Variants in ADGRE1 observed in about 807,000 individuals in gnomAD.
The protein encoded by ADGRE1 is adhesion G protein-coupled receptor E1, also known as EGF-like module receptor 1.
A neutral mutation model predicts 102.7 loss-of-function variants in ADGRE1; 82 were observed. That is an observed-to-expected ratio of 0.80 (90% CI 0.67 to 0.96). ADGRE1 has a LOEUF of 0.96. Among genes scored for constraint, ADGRE1 ranks in the 40% least tolerant of loss-of-function variants. ADGRE1 has a pLI of 0.00. For missense variants in ADGRE1, 1,032 were observed against 1,085.3 expected, an observed-to-expected ratio of 0.95 and a Z score of 0.69; for synonymous variants, 398 against 399.6, an observed-to-expected ratio of 1.00 and a Z score of 0.05.
intron 2 of ADGRE1, among the ~76,000 whole-genome samples, chr19:6,894,400 A>G (rs914872463): frequency 1.3e-5 from 2 of 152,118 alleles, no homozygotes; most frequent in Non-Finnish European, 2.9e-5. Flanking sequence ...TGAATTCCAT[A>G]AAAGAAGAGC....
At chr19:6,921,037 G>A (rs252565) in intron 13 of ADGRE1, among the ~76,000 whole-genome samples, 150,043 of 152,212 alleles carry the variant, frequency 0.99, 73,991 homozygotes, top group Middle Eastern at 1. Context: ...TGTAATCCCA[G>A]CACTTTGGGA....
At chr19:6,938,898 C>A (rs461295) in intron 20 of ADGRE1, among the ~76,000 whole-genome samples, 5 of 151,134 alleles carry the variant, frequency 3.3e-5, no homozygotes, top group Admixed American at 3.3e-4. Flanking sequence ...TGGGTTCAAG[C>A]GATTTTCCTG....
chr19:6,934,782 T>G (rs1975322570), intron 17 of ADGRE1, among the ~76,000 whole-genome samples: 1 of 147,424 alleles, frequency 6.8e-6, no homozygotes, highest in African/African-American at 2.5e-5. Flanking sequence ...TTTTTTTTTG[T>G]ATTTTAGTAT....
intron 2 of ADGRE1, chr19:6,895,125 C>G (rs1313864181): frequency 6.6e-6 from 1 of 152,254 alleles, no homozygotes; most frequent in Non-Finnish European, 1.5e-5. Flanking sequence ...CTTGTTGCCT[C>G]TCCAATCTTA....
At position 6,897,559 on chromosome 19, in the gene ADGRE1, C is replaced by T. The variant is rs374968406; in HGVS notation, c.514+12C>T. 72 of 1,529,252 alleles carry T rather than the reference C, an allele frequency of 4.7e-5. No homozygotes were observed. Among genetic ancestry groups the T allele is most frequent in the Non-Finnish European group, 5.6e-5 (64 of 1,143,218 alleles). The allele number at this position is 1,529,252 out of a possible 1,614,324, so 94.7% of individuals were successfully genotyped here. A position where few individuals can be genotyped will look rare whatever the true frequency, so the allele number is the denominator to read the frequency against. ...CTCCACCTGTGAAGGTATCCATGAC[C>T]ATCTCTTTATTATTTACCTACTTAA... On this transcript the variant is annotated intron_variant, in intron 5 of 20. Transcript: ENST00000312053.
chr19:6,891,708 C>T (rs1218581683), intron 2 of ADGRE1, among the ~76,000 whole-genome samples: 1 of 152,078 alleles, frequency 6.6e-6, no homozygotes, highest in African/African-American at 2.4e-5. Context: ...CCCAGCCTTC[C>T]GAAGTGCTGG....
intron 2 of ADGRE1, among the ~76,000 whole-genome samples, chr19:6,894,047 A>C (rs1184763330): frequency 6.6e-6 from 1 of 152,190 alleles, no homozygotes; most frequent in Non-Finnish European, 1.5e-5. Context: ...GCTTTCACTT[A>C]TAAAGACTCT....
In ADGRE1 at chr19:6,935,490, G is replaced by T. The variant is rs868819461; in HGVS notation, c.2381+412G>T. 4.8e-3 allele frequency among the ~76,000 whole-genome samples: 730 copies of T among 151,576 alleles called. 8 individuals carry two copies. The highest frequency in any genetic ancestry group is 0.015 in the African/African-American group (636 of 41,326). Reference sequence around the variant, plus strand: ...GAATCATACTATTTTGTTTTTTATGGTTTTTTTTCTCTCGAGAATGTCCTG... The same window carrying T: ...GAATCATACTATTTTGTTTTTTATGTTTTTTTTTCTCTCGAGAATGTCCTG... On this transcript the variant is annotated intron_variant, in intron 18 of 20. Transcript: ENST00000312053.
At chr19:6,919,481 T>C in intron 12 of ADGRE1, 67 bp from the exon 13 acceptor site, 1 of 1,015,766 alleles carries the variant, frequency 9.8e-7, no homozygotes, top group Non-Finnish European at 1.5e-6. Flanking sequence ...TGTGTGTGTG[T>C]TGGGTCTTCT....
At position 6,897,288 on chromosome 19, in the gene ADGRE1, C is replaced by A. The variant is rs149027775; in HGVS notation, c.378C>A (p.Gly126=). Residue 126 remains glycine, a synonymous_variant, in exon 4 of 21, where the codon GGC becomes GGA. Coordinates refer to ENST00000312053, the MANE Select transcript of ADGRE1 (RefSeq NM_001974.5). The stretch of plus-strand genomic sequence containing the variant: ...ATGACTGGGTCCCAGGAAAGCCGGG[C>A]AATTTCTCCTGTACTGGTAATGCTC... ...TGNDWVPGKP[G]NFSCTDINEC... is the part of the protein sequence containing the mutation. The A allele has an allele frequency of 3.0e-3, 4,850 of 1,613,868 alleles. 12 individuals carry two copies. Among genetic ancestry groups the A allele is most frequent in the Non-Finnish European group, 3.7e-3 (4,343 of 1,179,972 alleles).
chr19:6,896,897 C>G (rs1973575348), intron 3 of ADGRE1: 1 of 494,666 alleles, frequency 2.0e-6, no homozygotes, highest in African/African-American at 2.0e-5. Context: ...GGCTGGATTC[C>G]AAGGATAAGC....
rs143947298 is a variant in ADGRE1 at position 6,936,679 on chromosome 19, T to G, written c.2382-564T>G. Among the ~76,000 whole-genome samples, 719 of 151,442 alleles carry G rather than the reference T, an allele frequency of 4.7e-3. 8 individuals carry two copies. Among genetic ancestry groups the G allele is most frequent in the African/African-American group, 0.015 (629 of 41,288 alleles). On this transcript the variant is annotated intron_variant, in intron 18 of 20. Transcript: ENST00000312053. ...TCTCTCTCGCCCAGGCTAGAGGGCATTGGCACGGTCTCGACTCACTGCAAC... is the reference window on the plus strand; with the variant it reads ...TCTCTCTCGCCCAGGCTAGAGGGCAGTGGCACGGTCTCGACTCACTGCAAC...
At chr19:6,929,157 T>G (rs980117086) in intron 17 of ADGRE1, among the ~76,000 whole-genome samples, 1 of 152,106 alleles carries the variant, frequency 6.6e-6, no homozygotes, top group Non-Finnish European at 1.5e-5. Flanking sequence ...CGTTGCCTCA[T>G]GCTAAGGAAA....
rs184623921 is a variant in ADGRE1, at chr19:6,909,985, C to T, written c.1122+1213C>T. On this transcript the variant is annotated intron_variant, in intron 10 of 20. Coordinates refer to ENST00000312053, the MANE Select transcript of ADGRE1 (RefSeq NM_001974.5). ...CCGACCTCAGGCGATCCACCTGCCT[C>T]GGCCTCCCAAAGTGCTGGGATTAGA... 4.9e-3 allele frequency among the ~76,000 whole-genome samples: 721 copies of T among 148,492 alleles called. 4 individuals are homozygous for T. The highest frequency in any genetic ancestry group is 7.9e-3 in the Non-Finnish European group (524 of 66,292).
chr19:6,890,258 A>C (rs576408446), intron 1 of ADGRE1, among the ~76,000 whole-genome samples: 1 of 152,282 alleles, frequency 6.6e-6, no homozygotes, highest in African/African-American at 2.4e-5. Flanking sequence ...AAAGACAGAC[A>C]AAATGAAAAG....
intron 6 of ADGRE1, 128 bp from the exon 7 acceptor site, chr19:6,903,682 C>A (rs1973848260): frequency 1.6e-6 from 2 of 1,233,276 alleles, no homozygotes; most frequent in South Asian, 2.8e-5. Context: ...GCAGAGGGTT[C>A]TAGGAAATGT....
intron 8 of ADGRE1, 97 bp from the exon 9 acceptor site, chr19:6,906,336 T>G: frequency 9.5e-7 from 1 of 1,049,980 alleles, no homozygotes; most frequent in Non-Finnish European, 1.4e-6. Context: ...TAGATGGATT[T>G]TAAGTCGGGC....
intron 11 of ADGRE1, among the ~76,000 whole-genome samples, chr19:6,915,307 A>C (rs865907241): frequency 1.3e-5 from 2 of 152,170 alleles, no homozygotes; most frequent in South Asian, 4.1e-4. Context: ...GTACTCAGCC[A>C]AGATTTTATT....
At chr19:6,910,763 G>A (rs963354972) in intron 10 of ADGRE1, among the ~76,000 whole-genome samples, 1 of 151,826 alleles carries the variant, frequency 6.6e-6, no homozygotes, top group African/African-American at 2.4e-5. Context: ...AATAGAGACG[G>A]GGTTTCACCA....
Sources: allele counts gnomAD v4.1 joint callset (sites outside exome capture counted in the v4.1 genomes callset), GRCh38; gene constraint gnomAD v4.1.1; transcripts MANE v1.5; gene names NCBI Gene and HGNC (gene_info 2026-07-23, HGNC 2026-07-21).